Variants in TCF12 observed in about 807,000 individuals in gnomAD.
The protein encoded by TCF12 is transcription factor 12, also known as DNA-binding protein HTF4.
TCF12 carries 45 observed loss-of-function variants against 86.0 expected under a neutral mutation model. The ratio of observed to expected loss-of-function variants is 0.52; its 90% CI spans 0.41 to 0.67. The LOEUF is 0.67. TCF12 is among the 30% of genes least tolerant of loss of function. The probability of loss-of-function intolerance (pLI) is 0.00; values close to 1 mark genes in which losing one functional copy is unlikely to be tolerated. For synonymous variants in TCF12, 330 were observed against 299.6 expected (o/e 1.10, Z -1.05); for missense variants, 881 against 859.9 (o/e 1.02, Z -0.31).
chr15:57,194,766 A>G (rs1334020275), intron 7 of TCF12, among the ~76,000 whole-genome samples: 1 of 152,244 alleles, frequency 6.6e-6, no homozygotes, highest in African/African-American at 2.4e-5. Context: ...CATGAAATAC[A>G]CAAAAGGATG....
chr15:57,239,381 G>A (rs927132510), intron 12 of TCF12, among the ~76,000 whole-genome samples: 8 of 151,530 alleles, frequency 5.3e-5, no homozygotes, highest in African/African-American at 1.5e-4. Flanking sequence ...AAAATTAGCC[G>A]GGTATGGTGG....
upstream of TCF12, chr15:56,918,478 G>T (rs997805603): frequency 3.1e-6 from 1 of 322,848 alleles, no homozygotes; most frequent in East Asian, 1.2e-4. Context: ...ACTCCGTCCC[G>T]CCTCACCCGA....
intron 17 of TCF12, 61 bp downstream of exon 17, chr15:57,262,269 A>G: frequency 8.6e-7 from 1 of 1,163,108 alleles, no homozygotes; most frequent in Non-Finnish European, 1.3e-6. Flanking sequence ...GAACACTGTC[A>G]CCTTTCTCAC....
At chr15:57,204,617 A>G (rs2057719974) in intron 8 of TCF12, among the ~76,000 whole-genome samples, 1 of 152,212 alleles carries the variant, frequency 6.6e-6, no homozygotes, top group East Asian at 1.9e-4. Flanking sequence ...CTTTTGAGAC[A>G]ATTGGAAATA....
intron 6 of TCF12, among the ~76,000 whole-genome samples, chr15:57,172,687 A>G (rs1365434687): frequency 6.6e-6 from 1 of 152,152 alleles, no homozygotes; most frequent in Non-Finnish European, 1.5e-5. Context: ...TGCTAGGCTT[A>G]CTTCTTGGGT....
chr15:57,139,854 G>C (rs2052828868), intron 5 of TCF12, among the ~76,000 whole-genome samples: 1 of 152,146 alleles, frequency 6.6e-6, no homozygotes, highest in South Asian at 2.1e-4. Flanking sequence ...GGAAATTACA[G>C]TAAGCCAGAA....
intron 8 of TCF12, among the ~76,000 whole-genome samples, chr15:57,220,632 A>T (rs1426637458): frequency 4.6e-5 from 7 of 152,052 alleles, no homozygotes; most frequent in African/African-American, 1.7e-4. Context: ...TAAATTAATT[A>T]CCTAATGTTA....
At chr15:57,050,888 C>T (rs1210875021) in intron 3 of TCF12, among the ~76,000 whole-genome samples, 2 of 152,048 alleles carry the variant, frequency 1.3e-5, no homozygotes, top group African/African-American at 4.8e-5. Flanking sequence ...TTAAGAGCCT[C>T]CATTTGTTCA....
At chr15:57,248,711 G>T (rs991112464) in intron 13 of TCF12, among the ~76,000 whole-genome samples, 4 of 152,224 alleles carry the variant, frequency 2.6e-5, no homozygotes, top group Non-Finnish European at 5.9e-5. Flanking sequence ...GAACGGGCCA[G>T]TCTGTAATAC....
chr15:57,167,439 T>C (rs779535858), intron 6 of TCF12, among the ~76,000 whole-genome samples: 2 of 151,940 alleles, frequency 1.3e-5, no homozygotes, highest in Admixed American at 6.6e-5. Context: ...TGCATGCCTG[T>C]AGTCTCAGCT....
chr15:56,945,053 A>C (rs1190732251), intron 3 of TCF12, among the ~76,000 whole-genome samples: 1 of 152,076 alleles, frequency 6.6e-6, no homozygotes, highest in Non-Finnish European at 1.5e-5. Flanking sequence ...TCTTACACTC[A>C]TTTTGTTAAA....
At chr15:57,153,453 A>G (rs2053902574) in intron 5 of TCF12, among the ~76,000 whole-genome samples, 1 of 152,222 alleles carries the variant, frequency 6.6e-6, no homozygotes, top group South Asian at 2.1e-4. Context: ...CCCATGATCT[A>G]TACAAAGAAA....
At chr15:57,108,819 A>G (rs2050303410) in intron 5 of TCF12, among the ~76,000 whole-genome samples, 2 of 152,234 alleles carry the variant, frequency 1.3e-5, no homozygotes, top group South Asian at 2.1e-4. Flanking sequence ...TGTTTTTTAA[A>G]AAGTGTACAA....
chr15:57,154,645 A>G (rs1374711232), intron 5 of TCF12, among the ~76,000 whole-genome samples: 1 of 152,132 alleles, frequency 6.6e-6, no homozygotes, highest in African/African-American at 2.4e-5. Flanking sequence ...TTGTGAACAG[A>G]TTATGGCTAT....
In TCF12 at chr15:57,270,938, G is replaced by T. The variant is rs1023702361; in HGVS notation, c.1746-2092G>T. Among the ~76,000 whole-genome samples the T allele has an allele frequency of 9.8e-5, 15 of 152,314 alleles. 1 individual carries two copies. The highest frequency in any genetic ancestry group is 7.2e-5 in the African/African-American group (3 of 41,572). ...TTGCTGCCTGATCCTTCCTCTGGAAGCTTCGTCCCAGAGGGGCACCCACCT... is the reference window on the plus strand; with the variant it reads ...TTGCTGCCTGATCCTTCCTCTGGAATCTTCGTCCCAGAGGGGCACCCACCT... On this transcript the variant is annotated intron_variant, in intron 18 of 20. Transcript: ENST00000333725.
At chr15:56,950,755 T>C (rs1198890030) in intron 3 of TCF12, among the ~76,000 whole-genome samples, 9 of 142,532 alleles carry the variant, frequency 6.3e-5, no homozygotes, top group East Asian at 2.0e-4. Context: ...GTTTTTTTTT[T>C]TTTTTTTTTT....
At chr15:57,189,028 A>G (rs2151693082) in intron 6 of TCF12, among the ~76,000 whole-genome samples, 1 of 152,308 alleles carries the variant, frequency 6.6e-6, no homozygotes, top group Middle Eastern at 3.4e-3. Context: ...GGTTCAAGAG[A>G]TCTTCCTGCC....
chr15:56,940,765 CCTT>C (rs1191007508), intron 3 of TCF12, among the ~76,000 whole-genome samples: 4 of 121,102 alleles, frequency 3.3e-5, no homozygotes, highest in African/African-American at 1.3e-4. Flanking sequence ...TTCTCCTTCT[CCTT>C]CTTCTGAGAT....
chr15:57,210,862 C>T (rs2058075168), intron 8 of TCF12, among the ~76,000 whole-genome samples: 1 of 152,152 alleles, frequency 6.6e-6, no homozygotes. Flanking sequence ...TATAATAGTC[C>T]TGTTTACTGC....
Sources: gnomAD v4.1 joint callset for allele counts (sites outside exome capture counted in the v4.1 genomes callset) on GRCh38, gnomAD v4.1.1 for gene constraint, MANE v1.5 for transcripts, NCBI Gene and HGNC (gene_info 2026-07-23, HGNC 2026-07-21) for gene names.